NREP: variants seen among roughly 807,000 people sequenced by gnomAD.
NREP encodes neuronal regeneration related protein, also known as neuronal regeneration-related protein.
In NREP, 5 loss-of-function variants were observed where a neutral mutation model predicts 8.6. That is an observed-to-expected ratio of 0.58 (90% CI 0.30 to 1.22). The LOEUF (loss-of-function observed/expected upper bound fraction) is 1.22. Among genes scored for constraint, NREP ranks in the 50% most tolerant of loss-of-function variants. The pLI is 0.07. For synonymous variants in NREP, 27 were observed against 28.0 expected, an observed-to-expected ratio of 0.96 and a Z score of 0.11; for missense variants, 86 against 82.5, an observed-to-expected ratio of 1.04 and a Z score of -0.17.
intron 2 of NREP, among the ~76,000 whole-genome samples, chr5:111,939,867 T>C (rs1320518730): frequency 6.6e-6 from 1 of 152,056 alleles, no homozygotes; most frequent in African/African-American, 2.4e-5. Context: ...GAATCAATGA[T>C]ACATATTAAA....
At chr5:111,750,459 G>A (rs181591892) in intron 2 of NREP, among the ~76,000 whole-genome samples, 5 of 152,280 alleles carry the variant, frequency 3.3e-5, no homozygotes, top group African/African-American at 1.2e-4. Flanking sequence ...TACTCAAGCT[G>A]AATAATAACG....
At chr5:111,808,662 G>T (rs1752198814) in intron 2 of NREP, among the ~76,000 whole-genome samples, 1 of 152,080 alleles carries the variant, frequency 6.6e-6, no homozygotes, top group South Asian at 2.1e-4. Context: ...TTAGCTCATA[G>T]GACTCAATTT....
chr5:111,922,571 C>A (rs1401584768), intron 2 of NREP, among the ~76,000 whole-genome samples: 1 of 152,096 alleles, frequency 6.6e-6, no homozygotes, highest in Non-Finnish European at 1.5e-5. Flanking sequence ...GGAGAAGAAG[C>A]CATCTGTTGA....
At chr5:111,779,158 C>T (rs1751432028) in intron 2 of NREP, among the ~76,000 whole-genome samples, 2 of 152,118 alleles carry the variant, frequency 1.3e-5, no homozygotes, top group African/African-American at 4.8e-5. Context: ...AGAATAATTT[C>T]TGTTCACTTG....
At chr5:111,818,710 C>A (rs1449406100) in intron 2 of NREP, among the ~76,000 whole-genome samples, 1 of 152,130 alleles carries the variant, frequency 6.6e-6, no homozygotes, top group African/African-American at 2.4e-5. Context: ...CACTCTCATG[C>A]ATATGCATGT....
chr5:111,812,285 TCAAACAAA>T (rs139562751), intron 2 of NREP, among the ~76,000 whole-genome samples: 10,471 of 151,662 alleles, frequency 0.069, 408 homozygotes, highest in African/African-American at 0.098. Flanking sequence ...AGACCCTGTC[TCAAACAAA>T]CAAACAAACA....
At chr5:111,784,970 A>G (rs564073008) in intron 2 of NREP, among the ~76,000 whole-genome samples, 1 of 152,240 alleles carries the variant, frequency 6.6e-6, no homozygotes, top group South Asian at 2.1e-4. Context: ...GGGAAGGCTT[A>G]TGTTCCCAGG....
chr5:111,794,934 G>A (rs1163655877), intron 2 of NREP, among the ~76,000 whole-genome samples: 2 of 150,622 alleles, frequency 1.3e-5, no homozygotes, highest in African/African-American at 4.9e-5. Context: ...ATGGGGGTCA[G>A]GGGATATGTG....
chr5:111,756,877 C>G lies in NREP; in HGVS notation c.-59+259G>C, dbSNP rs367946503. On this transcript the variant is annotated intron_variant, in intron 1 of 3. Coordinates refer to ENST00000257435, the MANE Select transcript of NREP (RefSeq NM_004772.4). ...TTAACCACACCAACAAGCACAAAAC[C>G]CCACCCCTTCCCAAAAGAATTCATT... Among the ~76,000 whole-genome samples, 31 of 152,232 alleles carry G rather than the reference C, an allele frequency of 2.0e-4. 1 individual carries two copies. In the East Asian group the frequency reaches 4.2e-3, roughly 21 times the overall value.
intron 2 of NREP, among the ~76,000 whole-genome samples, chr5:111,849,285 T>G (rs904496939): frequency 6.6e-6 from 1 of 152,024 alleles, no homozygotes; most frequent in African/African-American, 2.4e-5. Flanking sequence ...GGATGCAAAT[T>G]TTCAGAGGCA....
rs572674918 is a variant in NREP, at chr5:111,866,075, A to G, written c.135+109199T>C. Among the ~76,000 whole-genome samples the G allele has an allele frequency of 4.6e-5, 7 of 152,238 alleles. No individual in the cohort carries two copies. In the South Asian group the frequency reaches 1.5e-3, roughly 32 times the overall value. On this transcript the variant is annotated intron_variant, in intron 2 of 3. Coordinates refer to the NREP transcript ENST00000395634. The stretch of plus-strand genomic sequence containing the variant: ...TGGACACTCAGGTAGGACTTGTTAG[A>G]AAGACATAGGCATGGGCAAGGACTT...
intron 2 of NREP, among the ~76,000 whole-genome samples, chr5:111,804,545 A>C (rs1467693701): frequency 6.6e-6 from 1 of 152,170 alleles, no homozygotes; most frequent in Non-Finnish European, 1.5e-5. Flanking sequence ...GGACTACATT[A>C]AGCAACAATA....
intron 2 of NREP, among the ~76,000 whole-genome samples, chr5:111,794,385 A>T (rs1308630372): frequency 1.3e-5 from 2 of 152,238 alleles, no homozygotes; most frequent in East Asian, 3.8e-4. Context: ...TCATATTAAC[A>T]GCACTTTACT....
At chr5:111,895,776 A>G (rs1320630732) in intron 2 of NREP, among the ~76,000 whole-genome samples, 2 of 152,150 alleles carry the variant, frequency 1.3e-5, no homozygotes, top group Admixed American at 6.5e-5. Flanking sequence ...TCATGACAAC[A>G]AAAAATATTT....
At chr5:111,896,967 TATC>T (rs1356416895) in intron 2 of NREP, among the ~76,000 whole-genome samples, 2 of 152,196 alleles carry the variant, frequency 1.3e-5, no homozygotes, top group African/African-American at 2.4e-5. Flanking sequence ...CAAAACAGTT[TATC>T]ATCATATGTT....
At chr5:111,922,523 G>T (rs1463311581) in intron 2 of NREP, among the ~76,000 whole-genome samples, 1 of 152,132 alleles carries the variant, frequency 6.6e-6, no homozygotes, top group African/African-American at 2.4e-5. Context: ...CTATTTGCCA[G>T]TCCTCCCCTG....
intron 2 of NREP, among the ~76,000 whole-genome samples, chr5:111,959,108 C>T (rs1756412307): frequency 6.6e-6 from 1 of 151,852 alleles, no homozygotes; most frequent in Non-Finnish European, 1.5e-5. Context: ...CTATTAAAAG[C>T]ATGAGTTAGG....
intron 2 of NREP, among the ~76,000 whole-genome samples, chr5:111,861,159 G>A (rs923414894): frequency 2.0e-5 from 3 of 152,168 alleles, no homozygotes; most frequent in African/African-American, 7.2e-5. Flanking sequence ...GGAACTCAGA[G>A]ACCTCAGGTA....
chr5:111,925,275 C>T (rs574507604), intron 2 of NREP, among the ~76,000 whole-genome samples: 9 of 119,540 alleles, frequency 7.5e-5, no homozygotes, highest in Middle Eastern at 4.5e-3. Flanking sequence ...GATGTCTCTC[C>T]GTCTCTGCAG....
Sources: allele counts gnomAD v4.1 joint callset (sites outside exome capture counted in the v4.1 genomes callset), GRCh38; gene constraint gnomAD v4.1.1; transcripts MANE v1.5; gene names NCBI Gene and HGNC (gene_info 2026-07-23, HGNC 2026-07-21).